MYO7B: variants seen among roughly 807,000 people sequenced by gnomAD.
MYO7B encodes unconventional myosin-VIIb.
MYO7B carries 212 observed loss-of-function variants against 259.7 expected under a neutral mutation model. The observed-to-expected ratio is 0.82, with a 90% confidence interval of 0.73 to 0.91. The LOEUF is 0.91. Among genes scored for constraint, MYO7B ranks in the 40% least tolerant of loss-of-function variants. The probability of loss-of-function intolerance (pLI) is 0.00; values close to 1 mark genes in which losing one functional copy is unlikely to be tolerated. For synonymous variants in MYO7B, 1,197 were observed against 1,166.4 expected (o/e 1.03, Z -0.54); for missense variants, 2,732 against 2,813.5 (o/e 0.97, Z 0.66).
At position 127,628,986 on chromosome 2, in the gene MYO7B, C is replaced by A. The variant is rs1204979307; in HGVS notation, c.4624+451C>A. On this transcript the variant is annotated intron_variant, in intron 34 of 47. Transcript: ENST00000409816. This position sits in a 1 kb window ranked among gnomAD's most constrained non-coding sequence, Gnocchi z 4.8. ...GAGCCTAGTTCTTGGCCACAGCTCTCCCACAAGCCAGCACTCCATCGAGAG... is the reference window on the plus strand; with the variant it reads ...GAGCCTAGTTCTTGGCCACAGCTCTACCACAAGCCAGCACTCCATCGAGAG... Among the ~76,000 whole-genome samples the A allele has an allele frequency of 6.6e-6, 1 of 152,226 alleles. No individual in the cohort carries two copies. Among genetic ancestry groups the A allele is most frequent in the African/African-American group, 2.4e-5 (1 of 41,466 alleles).
chr2:127,580,856 TG>T, intron 10 of MYO7B, 34 bp downstream of exon 10: 3 of 1,595,464 alleles, frequency 1.9e-6, no homozygotes, highest in East Asian at 2.3e-5. Context: ...TCCATTTTGG[TG>T]GGGGGCCTCA....
At position 127,564,058 on chromosome 2, in the gene MYO7B, G is replaced by A. The variant is rs144287781; in HGVS notation, c.19-95G>A. The A allele has an allele frequency of 3.1e-4, 264 of 856,732 alleles. 4 individuals carry two copies. Among genetic ancestry groups the A allele is most frequent in the African/African-American group, 3.1e-3 (183 of 59,534 alleles). The allele number at this position is 856,732 out of a possible 1,614,324, so 53.1% of individuals were successfully genotyped here. On this transcript the variant is annotated intron_variant, in intron 2 of 47. Coordinates refer to ENST00000409816, the MANE Select transcript of MYO7B (RefSeq NM_001393586.1). ...AAGCTCCAGCCACCTTGGGAGCTCT[G>A]GGCTGGAAGGCATAGCCCCGAAGAG...
rs1558791362 is a variant in MYO7B, at chr2:127,546,594, T to G, written c.-24+10763T>G. On this transcript the variant is annotated intron_variant, in intron 1 of 47. Transcript: ENST00000409816. The surrounding 1 kb of genome is among the most constrained non-coding windows in gnomAD (Gnocchi z 4.2). Reference sequence around the variant, plus strand: ...TGAAGGTAACCCTCATTCTGGTCCCTGAGATTAGGTAGGACACTGATCCCC... The same window carrying G: ...TGAAGGTAACCCTCATTCTGGTCCCGGAGATTAGGTAGGACACTGATCCCC... 6.6e-6 allele frequency among the ~76,000 whole-genome samples: 1 copy of G among 152,190 alleles called. No homozygotes were observed. The highest frequency in any genetic ancestry group is 1.5e-5 in the Non-Finnish European group (1 of 68,030).
intron 22 of MYO7B, 27 bp downstream of exon 22, chr2:127,608,905 C>T (rs201988028): frequency 1.9e-4 from 308 of 1,598,700 alleles, no homozygotes; most frequent in African/African-American, 2.9e-4. Flanking sequence ...GTCCACAATC[C>T]GCCCCGGGTG....
intron 5 of MYO7B, among the ~76,000 whole-genome samples, chr2:127,568,267 G>A (rs1678438039): frequency 6.6e-6 from 1 of 152,244 alleles, no homozygotes; most frequent in East Asian, 1.9e-4. Context: ...GGGAGCTTAC[G>A]GTGTGGCTCT....
intron 26 of MYO7B, among the ~76,000 whole-genome samples, chr2:127,617,487 G>GTTTTT (rs35542480): frequency 0.01 from 850 of 84,822 alleles, 102 homozygotes; most frequent in Middle Eastern, 0.048. Context: ...TTGTAACGGG[G>GTTTTT]TTTTTTTTTT....
intron 10 of MYO7B, among the ~76,000 whole-genome samples, chr2:127,581,257 C>T (rs765061543): frequency 6.6e-6 from 1 of 152,130 alleles, no homozygotes; most frequent in Non-Finnish European, 1.5e-5. Flanking sequence ...TGGGGCCCAT[C>T]CCATTAGCCT....
At chr2:127,594,641 T>G (rs1384842418) in intron 18 of MYO7B, among the ~76,000 whole-genome samples, 2 of 152,248 alleles carry the variant, frequency 1.3e-5, no homozygotes, top group Admixed American at 1.3e-4. Flanking sequence ...TGAGGCATGT[T>G]CCTTCAATAC....
At chr2:127,537,627 C>A (rs1188239546) in intron 1 of MYO7B, among the ~76,000 whole-genome samples, 2 of 151,590 alleles carry the variant, frequency 1.3e-5, no homozygotes, top group Non-Finnish European at 2.9e-5. Context: ...CTTGAGCCCA[C>A]AACATGGGGA....
intron 39 of MYO7B, among the ~76,000 whole-genome samples, chr2:127,632,896 C>T (rs756431709): frequency 6.6e-6 from 1 of 152,190 alleles, no homozygotes; most frequent in Non-Finnish European, 1.5e-5. Context: ...GCCGTGGTCA[C>T]AGAGAGAGGT....
Position 127,629,576 on chromosome 2 carries a change from C to G in MYO7B, c.4625-69C>G, listed in dbSNP as rs1457517568. The G allele has an allele frequency of 2.0e-6, 3 of 1,466,982 alleles. No homozygotes were observed. The East Asian group carries it at 7.4e-5, about 36-fold the overall frequency. The allele number at this position is 1,466,982 out of a possible 1,614,324, so 90.9% of individuals were successfully genotyped here. On this transcript the variant is annotated intron_variant, in intron 34 of 47. Transcript: ENST00000409816. ...CGGTTTCATCTGTCAAAGGAGATGA[C>G]CCACAAAATTCCAGCACAGCCTCTG...
Position 127,636,686 on chromosome 2 carries a change from T to C in MYO7B, c.6207+58T>C. On this transcript the variant is annotated intron_variant, in intron 46 of 47. Coordinates refer to ENST00000409816, the MANE Select transcript of MYO7B (RefSeq NM_001393586.1). The surrounding 1 kb of genome is among the most constrained non-coding windows in gnomAD (Gnocchi z 4.5). ...CACCAGGTCCAGGGACCTGTGCAGG[T>C]GGGGCTGCAGTCATCTCTGCGGTGT... is the stretch of plus-strand genomic sequence containing the variant. The C allele has an allele frequency of 6.2e-7, 1 of 1,606,650 alleles. No homozygotes were observed. Among genetic ancestry groups the C allele is most frequent in the Non-Finnish European group, 8.5e-7 (1 of 1,176,050 alleles).
intron 6 of MYO7B, among the ~76,000 whole-genome samples, chr2:127,570,534 C>T (rs1481298813): frequency 1.3e-5 from 2 of 152,250 alleles, no homozygotes; most frequent in Non-Finnish European, 1.5e-5. Context: ...CCCAGAAGCC[C>T]GTGGCCTCGG....
intron 19 of MYO7B, 81 bp from the exon 20 acceptor site, chr2:127,605,763 C>T: frequency 1.6e-6 from 2 of 1,271,654 alleles, no homozygotes; most frequent in Non-Finnish European, 1.1e-6. Flanking sequence ...ACCCTGTTCC[C>T]TTCCAAACCA....
At position 127,557,873 on chromosome 2, in the gene MYO7B, C is replaced by T. The variant is rs548101844; in HGVS notation, c.-23-1827C>T. Among the ~76,000 whole-genome samples the T allele has an allele frequency of 2.6e-5, 4 of 152,224 alleles. No individual in the cohort carries two copies. The South Asian group carries it at 6.2e-4, about 24-fold the overall frequency. On this transcript the variant is annotated intron_variant, in intron 1 of 47. Coordinates refer to ENST00000409816, the MANE Select transcript of MYO7B (RefSeq NM_001393586.1). ...ATGGATCAAGGACTTAAATCTAAGA[C>T]CTAAAACTATAAAAATTCTAGACTA...
At chr2:127,542,097 G>A (rs957026949) in intron 1 of MYO7B, among the ~76,000 whole-genome samples, 1 of 152,234 alleles carries the variant, frequency 6.6e-6, no homozygotes, top group Non-Finnish European at 1.5e-5. Context: ...GCATCTCTAG[G>A]CCAGAGAACA....
chr2:127,593,026 G>A, intron 17 of MYO7B, 80 bp downstream of exon 17: 1 of 1,501,620 alleles, frequency 6.7e-7, no homozygotes, highest in Non-Finnish European at 9.0e-7. Context: ...CCCCAGTACC[G>A]AGGGGGTCTC....
rs550569981 is a variant in MYO7B, at chr2:127,574,076, C to T, written c.735+14C>T. ...GTCTGCCGGCAGGTGAGGCCTCCCC[C>T]TTCCCAGGTCGGGAGTTGAGGGAAT... On this transcript the variant is annotated intron_variant, in intron 7 of 47. Transcript: ENST00000409816. 1.2e-6 allele frequency: 2 copies of T among 1,613,680 alleles called. No homozygotes were observed. The highest frequency in any genetic ancestry group is 1.7e-6 in the Non-Finnish European group (2 of 1,179,792).
At chr2:127,566,855 C>T in intron 5 of MYO7B, 28 bp downstream of exon 5, 2 of 1,592,544 alleles carry the variant, frequency 1.3e-6, no homozygotes, top group East Asian at 2.2e-5. Flanking sequence ...GGCACCACCT[C>T]CAGGCATCTC....
Sources: gnomAD v4.1 joint callset for allele counts (sites outside exome capture counted in the v4.1 genomes callset) on GRCh38, gnomAD v4.1.1 for gene constraint, Gnocchi (gnomAD v3.1) non-coding constraint, MANE v1.5 for transcripts, NCBI Gene and HGNC (gene_info 2026-07-23, HGNC 2026-07-21) for gene names.